The following ATXN7L1 variants were observed in gnomAD, a reference collection of about 807,000 sequenced individuals.
ATXN7L1 encodes the protein ataxin-7-like protein 1.
Under a neutral mutation model 70.8 loss-of-function variants are expected in ATXN7L1, and 15 were observed. That is an observed-to-expected ratio of 0.21 (90% CI 0.14 to 0.33). The LOEUF (loss-of-function observed/expected upper bound fraction) is 0.33. Among genes scored for constraint, ATXN7L1 ranks in the 10% least tolerant of loss-of-function variants. The probability of loss-of-function intolerance (pLI) is 1.00; values close to 1 mark genes in which losing one functional copy is unlikely to be tolerated. For missense variants in ATXN7L1, 975 were observed against 1,097.1 expected, an observed-to-expected ratio of 0.89 and a Z score of 1.57; for synonymous variants, 440 against 445.1, an observed-to-expected ratio of 0.99 and a Z score of 0.14.
At position 105,831,489 on chromosome 7, in the gene ATXN7L1, A is replaced by C. The variant is rs73417347; in HGVS notation, c.251-42781T>G. ...ACATCTGCTGACACCCACTATAAAA[A>C]GGTCGTGGCCGAGGAACTATGAAAA... is the stretch of plus-strand genomic sequence containing the variant. On this transcript the variant is annotated intron_variant, in intron 2 of 11. Coordinates refer to ENST00000419735, the MANE Select transcript of ATXN7L1 (RefSeq NM_020725.2). 3.4e-3 allele frequency among the ~76,000 whole-genome samples: 511 copies of C among 152,336 alleles called. 2 individuals carry two copies. The highest frequency in any genetic ancestry group is 0.012 in the African/African-American group (496 of 41,578).
At chr7:105,641,550 A>G (rs553912296) in intron 5 of ATXN7L1, among the ~76,000 whole-genome samples, 18 of 152,380 alleles carry the variant, frequency 1.2e-4, no homozygotes, top group African/African-American at 4.3e-4. Context: ...ATGGGGTTAC[A>G]GGCTGGAAGC....
At chr7:105,756,572 G>A (rs1461157990) in intron 3 of ATXN7L1, among the ~76,000 whole-genome samples, 1 of 152,126 alleles carries the variant, frequency 6.6e-6, no homozygotes, top group Admixed American at 6.5e-5. Flanking sequence ...ATAGGAACCT[G>A]GATGTAGCAA....
chr7:105,632,682 G>A (rs1202043726), intron 7 of ATXN7L1, among the ~76,000 whole-genome samples: 1 of 152,046 alleles, frequency 6.6e-6, no homozygotes, highest in Non-Finnish European at 1.5e-5. Context: ...CAGCACTTTG[G>A]GAGGCTGAGG....
chr7:105,634,321 C>T (rs1265569835), intron 7 of ATXN7L1, among the ~76,000 whole-genome samples: 1 of 152,140 alleles, frequency 6.6e-6, no homozygotes, highest in Non-Finnish European at 1.5e-5. Flanking sequence ...AGAGAAAATC[C>T]CACCTTACCA....
At chr7:105,850,647 G>A (rs1050868548) in intron 2 of ATXN7L1, among the ~76,000 whole-genome samples, 3 of 152,212 alleles carry the variant, frequency 2.0e-5, no homozygotes, top group African/African-American at 7.2e-5. Flanking sequence ...AGCACAGAGC[G>A]AGCATGGGCT....
In ATXN7L1 at chr7:105,768,863, T is replaced by C. The variant is rs556795467; in HGVS notation, c.355+19741A>G. On this transcript the variant is annotated intron_variant, in intron 3 of 11. Coordinates refer to ENST00000419735, the MANE Select transcript of ATXN7L1 (RefSeq NM_020725.2). ...ACAGCTAGAGGATGTATTCATTGCATGTAAATCTAGAATTAGAAACTGTAA... is the reference window on the plus strand; with the variant it reads ...ACAGCTAGAGGATGTATTCATTGCACGTAAATCTAGAATTAGAAACTGTAA... Among the ~76,000 whole-genome samples the C allele has an allele frequency of 5.9e-5, 9 of 152,370 alleles. No homozygotes were observed. The South Asian group carries it at 1.9e-3, about 32-fold the overall frequency.
intron 3 of ATXN7L1, among the ~76,000 whole-genome samples, chr7:105,714,347 C>G (rs1794277121): frequency 6.6e-6 from 1 of 152,224 alleles, no homozygotes; most frequent in Non-Finnish European, 1.5e-5. Flanking sequence ...TCCTGACCAG[C>G]TGAATGGGAA....
intron 11 of ATXN7L1, 95 bp downstream of exon 11, chr7:105,610,434 G>T: frequency 8.8e-7 from 1 of 1,130,216 alleles, no homozygotes; most frequent in Non-Finnish European, 1.3e-6. Flanking sequence ...CTGGAGATGA[G>T]GTTTGAATCA....
chr7:105,643,236 C>T, intron 4 of ATXN7L1, 115 bp from the exon 5 acceptor site: 2 of 1,213,722 alleles, frequency 1.6e-6, no homozygotes, highest in Non-Finnish European at 2.2e-6. Context: ...ATTTATACTC[C>T]TTCTATAAGC....
chr7:105,663,073 C>T (rs1801959735), intron 4 of ATXN7L1, among the ~76,000 whole-genome samples: 1 of 152,210 alleles, frequency 6.6e-6, no homozygotes, highest in African/African-American at 2.4e-5. Flanking sequence ...GACTCCAGAG[C>T]TTGTGGTTAC....
At chr7:105,725,251 G>A (rs1230712840) in intron 3 of ATXN7L1, among the ~76,000 whole-genome samples, 2 of 152,088 alleles carry the variant, frequency 1.3e-5, no homozygotes, top group Non-Finnish European at 2.9e-5. Flanking sequence ...CTGGTAAAAC[G>A]AAAGAAATCA....
At chr7:105,829,267 C>CAAGCA (rs112282682) in intron 2 of ATXN7L1, among the ~76,000 whole-genome samples, 1 of 151,212 alleles carries the variant, frequency 6.6e-6, no homozygotes, top group East Asian at 2.0e-4. Flanking sequence ...ACTAAAAATA[C>CAAGCA]AAACAAAACA....
At position 105,755,276 on chromosome 7, in the gene ATXN7L1, A is replaced by T. The variant is rs542931952; in HGVS notation, c.355+33328T>A. Among the ~76,000 whole-genome samples, 4 of 152,312 alleles carry T rather than the reference A, an allele frequency of 2.6e-5. No individual in the cohort carries two copies. The South Asian group carries it at 8.3e-4, about 32-fold the overall frequency. On this transcript the variant is annotated intron_variant, in intron 3 of 11. Coordinates refer to ENST00000419735, the MANE Select transcript of ATXN7L1 (RefSeq NM_020725.2). Reference sequence around the variant, plus strand: ...GGAGGGATGTTAGAGGACATCCTAAATCACACCACTAGGGTAGTCATTTCA... The same window carrying T: ...GGAGGGATGTTAGAGGACATCCTAATTCACACCACTAGGGTAGTCATTTCA...
chr7:105,842,949 C>G (rs2116613531), intron 2 of ATXN7L1, among the ~76,000 whole-genome samples: 1 of 152,272 alleles, frequency 6.6e-6, no homozygotes, highest in East Asian at 1.9e-4. Flanking sequence ...TTGCATTTCC[C>G]TAATGACTAA....
chr7:105,773,751 A>G (rs962823866), intron 3 of ATXN7L1, among the ~76,000 whole-genome samples: 12 of 152,318 alleles, frequency 7.9e-5, no homozygotes, highest in African/African-American at 2.9e-4. Context: ...ATAATGAAAC[A>G]AATACAAAAA....
rs768694627 is a variant in ATXN7L1, at chr7:105,875,851, C to A, written c.211G>T (p.Gly71Cys). ...NVDLEEAGKE[G>C]GKSREVMRLN... ...CTCATAACCTCCCTGCTTTTTCCAC[C>A]CTCTTTTCCAGCCTCTTCTAAATCT... is the stretch of plus-strand genomic sequence containing the variant. The change falls in exon 2 of 12, where the codon GGT becomes TGT. Residue 71 changes from glycine to cysteine, a missense_variant. Around this residue, in one of 5 missense-constraint regions of ATXN7L1, gnomAD observed 135 missense variants for 132.6 expected, o/e 1.02. Coordinates refer to ENST00000419735, the MANE Select transcript of ATXN7L1 (RefSeq NM_020725.2). The A allele has an allele frequency of 9.3e-6, 15 of 1,613,722 alleles. No individual in the cohort carries two copies. The South Asian group carries it at 1.6e-4, about 18-fold the overall frequency.
chr7:105,729,477 T>C (rs1021613684), intron 3 of ATXN7L1, among the ~76,000 whole-genome samples: 22 of 150,426 alleles, frequency 1.5e-4, no homozygotes, highest in Non-Finnish European at 2.8e-4. Flanking sequence ...TTGCCCAGGC[T>C]GGAATGCAGT....
chr7:105,663,186 T>C (rs1164529031), intron 4 of ATXN7L1, among the ~76,000 whole-genome samples: 1 of 152,192 alleles, frequency 6.6e-6, no homozygotes, highest in Admixed American at 6.5e-5. Flanking sequence ...ACATCGCCGG[T>C]GGGTGGGCAA....
intron 3 of ATXN7L1, among the ~76,000 whole-genome samples, chr7:105,781,297 T>C (rs937991542): frequency 6.6e-6 from 1 of 152,236 alleles, no homozygotes; most frequent in African/African-American, 2.4e-5. Context: ...CAACTCACCA[T>C]AAACGTTCAC....
Sources: gnomAD v4.1 joint callset for allele counts (sites outside exome capture counted in the v4.1 genomes callset) on GRCh38, gnomAD v4.1.1 for gene constraint, gnomAD v4.1.1 regional missense constraint, MANE v1.5 for transcripts, NCBI Gene and HGNC (gene_info 2026-07-23, HGNC 2026-07-21) for gene names.